The following MROH9 variants were observed in gnomAD, a reference collection of about 807,000 sequenced individuals.
MROH9 encodes the protein maestro heat-like repeat-containing protein family member 9.
In MROH9, 92 loss-of-function variants were observed where a neutral mutation model predicts 98.2. The ratio of observed to expected loss-of-function variants is 0.94; its 90% CI spans 0.79 to 1.11. The LOEUF is 1.11. Ranked by LOEUF, MROH9 falls within the 50% of genes most tolerant of loss-of-function variation. The pLI is 0.00. For missense variants in MROH9, 1,057 were observed against 1,014.8 expected, an observed-to-expected ratio of 1.04 and a Z score of -0.57; for synonymous variants, 397 against 368.9, an observed-to-expected ratio of 1.08 and a Z score of -0.87.
intron 15 of MROH9, among the ~76,000 whole-genome samples, chr1:171,010,890 G>T (rs1220972004): frequency 6.6e-6 from 1 of 152,060 alleles, no homozygotes; most frequent in South Asian, 2.1e-4. Context: ...CCATTCTGTA[G>T]GTTGCCTGTT....
chr1:170,996,454 G>A (rs1198201455), intron 13 of MROH9, 53 bp from the exon 14 acceptor site: 8 of 1,597,934 alleles, frequency 5.0e-6, no homozygotes, highest in Non-Finnish European at 6.8e-6. Flanking sequence ...TGTGTATTTA[G>A]TTTTTTGAAT....
chr1:171,051,547 A>G (rs929573810), intron 20 of MROH9, among the ~76,000 whole-genome samples: 1 of 152,146 alleles, frequency 6.6e-6, no homozygotes, highest in Non-Finnish European at 1.5e-5. Flanking sequence ...ATGAGAACAC[A>G]TGGAAAAAGG....
intron 3 of MROH9, among the ~76,000 whole-genome samples, chr1:170,951,804 C>T (rs1261282036): frequency 6.6e-6 from 1 of 152,062 alleles, no homozygotes; most frequent in Admixed American, 6.6e-5. Flanking sequence ...AAAACAATGA[C>T]CATCTGAAAA....
chr1:171,000,483 T>C (rs1651749926), intron 15 of MROH9, among the ~76,000 whole-genome samples: 1 of 152,134 alleles, frequency 6.6e-6, no homozygotes. Context: ...TTTTTCTGCA[T>C]CTATTGAGAT....
chr1:170,972,627 A>G (rs1477342721), intron 8 of MROH9, among the ~76,000 whole-genome samples: 1 of 151,476 alleles, frequency 6.6e-6, no homozygotes, highest in Admixed American at 6.6e-5. Context: ...TGGCTAACAC[A>G]GTGAAACCCC....
chr1:170,951,877 A>C (rs1384669329), intron 3 of MROH9, among the ~76,000 whole-genome samples: 1 of 152,158 alleles, frequency 6.6e-6, no homozygotes, highest in Non-Finnish European at 1.5e-5. Flanking sequence ...TTTTGTGCAG[A>C]AGCTGGCTCT....
chr1:171,015,083 C>A, intron 16 of MROH9: 1 of 471,274 alleles, frequency 2.1e-6, no homozygotes, highest in Non-Finnish European at 4.4e-6. Context: ...GCTGACAGTG[C>A]AAATGTTCTA....
intron 14 of MROH9, among the ~76,000 whole-genome samples, chr1:170,997,621 A>G (rs894508886): frequency 5.9e-5 from 9 of 152,166 alleles, no homozygotes; most frequent in African/African-American, 2.2e-4. Context: ...TTCTGCCCTT[A>G]CTGATCTGAT....
At chr1:170,961,310 G>A (rs1221039381) in intron 5 of MROH9, among the ~76,000 whole-genome samples, 1 of 152,064 alleles carries the variant, frequency 6.6e-6, no homozygotes, top group African/African-American at 2.4e-5. Flanking sequence ...AAATTTTAGA[G>A]GTGAGAATTT....
At chr1:171,021,568 G>A (rs1474208870) in intron 17 of MROH9, among the ~76,000 whole-genome samples, 4 of 152,042 alleles carry the variant, frequency 2.6e-5, no homozygotes, top group East Asian at 1.9e-4. Flanking sequence ...GCAGAAAACC[G>A]AAACTGGACC....
chr1:170,993,602 T>G (rs955071727), intron 12 of MROH9, among the ~76,000 whole-genome samples: 1 of 152,144 alleles, frequency 6.6e-6, no homozygotes, highest in African/African-American at 2.4e-5. Flanking sequence ...ACGGGAAAAT[T>G]TAACAGGGAG....
At chr1:170,990,461 C>T (rs1454036582) in intron 11 of MROH9, among the ~76,000 whole-genome samples, 2 of 152,054 alleles carry the variant, frequency 1.3e-5, no homozygotes, top group African/African-American at 2.4e-5. Context: ...AGTCCTGTGT[C>T]CTTTAACTAT....
At chr1:170,974,981 T>G (rs1650623907) in intron 8 of MROH9, among the ~76,000 whole-genome samples, 2 of 152,068 alleles carry the variant, frequency 1.3e-5, no homozygotes, top group Non-Finnish European at 2.9e-5. Flanking sequence ...ACCATTAAGA[T>G]AATATAGCAA....
intron 14 of MROH9, among the ~76,000 whole-genome samples, chr1:170,997,514 A>G (rs1351764410): frequency 6.6e-6 from 1 of 152,188 alleles, no homozygotes; most frequent in East Asian, 1.9e-4. Flanking sequence ...CAATATCCCA[A>G]GGGTGATCTG....
intron 20 of MROH9, among the ~76,000 whole-genome samples, chr1:171,031,073 A>G (rs1050026807): frequency 1.2e-4 from 19 of 152,002 alleles, no homozygotes; most frequent in African/African-American, 4.6e-4. Context: ...TCTTGGTTTT[A>G]AAGTCTGTTT....
rs534248412 is a variant in MROH9 at position 171,033,002 on chromosome 1, C to T, written c.2281+7582C>T. Among the ~76,000 whole-genome samples, 30 of 152,314 alleles carry T rather than the reference C, an allele frequency of 2.0e-4. 1 individual carries two copies. Among genetic ancestry groups the T allele is most frequent in the African/African-American group, 7.2e-4 (30 of 41,556 alleles). On this transcript the variant is annotated intron_variant, in intron 20 of 21. Transcript: ENST00000367759. Reference sequence around the variant, plus strand: ...TATTGGAGTTCCTGCAGGGAAGCCCCACCCAGTGAGGAAGGATGGGTAAGA... The same window carrying T: ...TATTGGAGTTCCTGCAGGGAAGCCCTACCCAGTGAGGAAGGATGGGTAAGA...
intron 15 of MROH9, among the ~76,000 whole-genome samples, chr1:171,003,171 C>A (rs1651839698): frequency 6.6e-6 from 1 of 152,096 alleles, no homozygotes; most frequent in South Asian, 2.1e-4. Flanking sequence ...GATTTCCTTG[C>A]ATTGGGCTTT....
intron 7 of MROH9, among the ~76,000 whole-genome samples, chr1:170,971,543 T>A (rs191727910): frequency 6.6e-6 from 1 of 152,308 alleles, no homozygotes; most frequent in Non-Finnish European, 1.5e-5. Flanking sequence ...CCACAATAAC[T>A]GTTACAAAGT....
chr1:170,979,435 A>G (rs182511471), intron 8 of MROH9, among the ~76,000 whole-genome samples: 2 of 152,332 alleles, frequency 1.3e-5, no homozygotes, highest in East Asian at 1.9e-4. Context: ...GTGAGCAAAA[A>G]CTTTTCAATA....
Sources: allele counts gnomAD v4.1 joint callset (sites outside exome capture counted in the v4.1 genomes callset), GRCh38; gene constraint gnomAD v4.1.1; transcripts MANE v1.5; gene names NCBI Gene and HGNC (gene_info 2026-07-23, HGNC 2026-07-21).